The following ZNF385B variants were observed in gnomAD, a reference collection of about 807,000 sequenced individuals.
ZNF385B encodes zinc finger protein 385B.
ZNF385B carries 23 observed loss-of-function variants against 39.2 expected under a neutral mutation model. That is an observed-to-expected ratio of 0.59 (90% CI 0.42 to 0.83). The LOEUF is 0.83. Among genes scored for constraint, ZNF385B ranks in the 40% least tolerant of loss-of-function variants. The pLI, the probability that ZNF385B is intolerant of heterozygous loss-of-function variation, is 0.00. For synonymous variants in ZNF385B, 205 were observed against 222.6 expected (o/e 0.92, Z 0.70); for missense variants, 552 against 598.9 (o/e 0.92, Z 0.82).
At chr2:179,844,943 GTCTT>G (rs541177935) in intron 1 of ZNF385B, among the ~76,000 whole-genome samples, 63 of 152,216 alleles carry the variant, frequency 4.1e-4, no homozygotes, top group African/African-American at 1.5e-3. Context: ...TTATCCCATT[GTCTT>G]TCTTTGTAAC....
intron 9 of ZNF385B, among the ~76,000 whole-genome samples, chr2:179,444,587 A>G (rs574351526): frequency 6.6e-6 from 1 of 152,346 alleles, no homozygotes; most frequent in East Asian, 1.9e-4. Flanking sequence ...CTTAGGCATC[A>G]CTTGTCCTTG....
intron 3 of ZNF385B, among the ~76,000 whole-genome samples, chr2:179,666,510 G>A (rs1695176911): frequency 6.6e-6 from 1 of 152,076 alleles, no homozygotes; most frequent in South Asian, 2.1e-4. Context: ...ATAGTTTTAA[G>A]AAAAGATTTA....
intron 3 of ZNF385B, among the ~76,000 whole-genome samples, chr2:179,670,108 G>A (rs933675719): frequency 5.9e-5 from 9 of 151,852 alleles, no homozygotes; most frequent in African/African-American, 2.2e-4. Context: ...TGGCTAACAC[G>A]GTGAAACCCC....
At chr2:179,776,028 A>C (rs1704292503) in intron 1 of ZNF385B, among the ~76,000 whole-genome samples, 1 of 152,240 alleles carries the variant, frequency 6.6e-6, no homozygotes, top group Non-Finnish European at 1.5e-5. Context: ...GAACATGACC[A>C]CATCTTACCT....
intron 3 of ZNF385B, among the ~76,000 whole-genome samples, chr2:179,726,146 G>A (rs1360807010): frequency 6.6e-6 from 1 of 151,800 alleles, no homozygotes; most frequent in Non-Finnish European, 1.5e-5. Flanking sequence ...TTTACAACAA[G>A]TATGAAATAC....
At chr2:179,666,525 A>AT (rs1695178536) in intron 3 of ZNF385B, among the ~76,000 whole-genome samples, 1 of 152,226 alleles carries the variant, frequency 6.6e-6, no homozygotes, top group African/African-American at 2.4e-5. Context: ...GATTTAACAA[A>AT]CAGATGTTTC....
At position 179,445,681 on chromosome 2, in the gene ZNF385B, T is replaced by C. The variant is rs372754906; in HGVS notation, c.1009A>G (p.Ile337Val). Residue 337 changes from isoleucine to valine, a missense_variant, in exon 8 of 10, where the codon ATT becomes GTT. Physicochemically the swap from Ile to Val is conservative, Grantham distance 29. Coordinates refer to ENST00000410066, the MANE Select transcript of ZNF385B (RefSeq NM_152520.6). ...GATCCAGGTCTAGGATAGGATTTAA[T>C]TGGACCAGCCCCATTACGAGCTTCA... ...MVEARNGAGP[I>V]KSYPRPGSRL... 67 of 1,613,858 alleles carry C rather than the reference T, an allele frequency of 4.2e-5. No individual in the cohort carries two copies. The highest frequency in any genetic ancestry group is 1.0e-4 in the Admixed American group (6 of 59,990).
chr2:179,565,386 A>T (rs1325445314), intron 3 of ZNF385B, among the ~76,000 whole-genome samples: 2 of 152,222 alleles, frequency 1.3e-5, no homozygotes, highest in Non-Finnish European at 2.9e-5. Flanking sequence ...GGTGGCTAGA[A>T]CACTGAAGGA....
chr2:179,448,046 G>T (rs2049689629), intron 6 of ZNF385B, among the ~76,000 whole-genome samples: 1 of 151,524 alleles, frequency 6.6e-6, no homozygotes, highest in Non-Finnish European at 1.5e-5. Context: ...GCTATGGAGG[G>T]ATTCCAAATC....
At chr2:179,657,810 G>A (rs914326470) in intron 3 of ZNF385B, among the ~76,000 whole-genome samples, 14 of 152,076 alleles carry the variant, frequency 9.2e-5, no homozygotes, top group South Asian at 2.1e-4. Context: ...CTATTTAATC[G>A]TTACAGCAAT....
intron 3 of ZNF385B, among the ~76,000 whole-genome samples, chr2:179,643,076 A>C (rs1251834084): frequency 6.6e-6 from 1 of 152,026 alleles, no homozygotes; most frequent in Non-Finnish European, 1.5e-5. Flanking sequence ...TATTTGACAG[A>C]CATTTTCTCA....
At chr2:179,722,738 A>G (rs147507036) in intron 3 of ZNF385B, among the ~76,000 whole-genome samples, 3,143 of 152,256 alleles carry the variant, frequency 0.021, 101 homozygotes, top group African/African-American at 0.069. Flanking sequence ...ATTAAAATTA[A>G]AGATTAATTT....
chr2:179,844,780 A>T (rs1396115729), intron 1 of ZNF385B, among the ~76,000 whole-genome samples: 1 of 152,248 alleles, frequency 6.6e-6, no homozygotes, highest in Non-Finnish European at 1.5e-5. Context: ...AGAAGGCAAC[A>T]CTACTTATAT....
chr2:179,757,611 C>A (rs1703123578), intron 3 of ZNF385B, among the ~76,000 whole-genome samples: 2 of 152,198 alleles, frequency 1.3e-5, no homozygotes, highest in Non-Finnish European at 2.9e-5. Context: ...GGGCTCCACC[C>A]AGTTCAAGCT....
At chr2:179,718,908 A>C (rs1165539444) in intron 3 of ZNF385B, among the ~76,000 whole-genome samples, 1 of 151,766 alleles carries the variant, frequency 6.6e-6, no homozygotes, top group African/African-American at 2.4e-5. Context: ...GCAGAAGGAG[A>C]AGATAATGTG....
At chr2:179,666,156 A>G (rs374436109) in intron 3 of ZNF385B, among the ~76,000 whole-genome samples, 5 of 152,354 alleles carry the variant, frequency 3.3e-5, no homozygotes, top group African/African-American at 1.2e-4. Context: ...TTTGCTCCCT[A>G]TTAACATAAA....
chr2:179,660,540 T>C lies in ZNF385B; in HGVS notation c.298+108963A>G, dbSNP rs529669337. 2.0e-5 allele frequency among the ~76,000 whole-genome samples: 3 copies of C among 152,340 alleles called. No individual in the cohort carries two copies. In the East Asian group the frequency reaches 5.8e-4, roughly 29 times the overall value. ...TTATTAATGTCTGCTTCCAAGTTCT[T>C]TTACTTTGATAAACTTTTTCCAGTT... On this transcript the variant is annotated intron_variant, in intron 3 of 9. Coordinates refer to ENST00000410066, the MANE Select transcript of ZNF385B (RefSeq NM_152520.6).
rs141744033 is a variant in ZNF385B at position 179,549,137 on chromosome 2, A to C, written c.299-4168T>G. The stretch of plus-strand genomic sequence containing the variant: ...GAGGTTTATCTATGTTGTAGCACGT[A>C]TCAGAATTTCATTCATTTTTAAGGC... On this transcript the variant is annotated intron_variant, in intron 3 of 9. Transcript: ENST00000410066. Among the ~76,000 whole-genome samples the C allele has an allele frequency of 4.0e-5, 6 of 149,698 alleles. No individual in the cohort carries two copies. In the East Asian group the frequency reaches 1.2e-3, roughly 29 times the overall value.
intron 3 of ZNF385B, among the ~76,000 whole-genome samples, chr2:179,615,653 G>A (rs1689666143): frequency 6.6e-6 from 1 of 152,180 alleles, no homozygotes; most frequent in African/African-American, 2.4e-5. Context: ...TTAGAACCGG[G>A]CTTGTAAGTT....
Sources: allele counts gnomAD v4.1 joint callset (sites outside exome capture counted in the v4.1 genomes callset), GRCh38; gene constraint gnomAD v4.1.1; transcripts MANE v1.5; gene names NCBI Gene and HGNC (gene_info 2026-07-23, HGNC 2026-07-21).